The following PCARE variants were observed in gnomAD, a reference collection of about 807,000 sequenced individuals.
PCARE encodes uncharacterized protein C2orf71.
A neutral mutation model predicts 82.2 loss-of-function variants in PCARE; 72 were observed. That is an observed-to-expected ratio of 0.88 (90% CI 0.72 to 1.07). PCARE has a LOEUF of 1.07. PCARE is among the 50% of genes least tolerant of loss of function. The pLI is 0.00. For missense variants in PCARE, 1,768 were observed against 1,592.4 expected (o/e 1.11, Z -1.88); for synonymous variants, 705 against 634.8 (o/e 1.11, Z -1.66).
chr2:29,070,088 C>G (rs2148414452), intron 1 of PCARE, among the ~76,000 whole-genome samples: 1 of 149,070 alleles, frequency 6.7e-6, no homozygotes, highest in South Asian at 2.1e-4. Context: ...TTGAACTTTA[C>G]TATTTTATTT....
At position 29,064,903 on chromosome 2, in the gene PCARE, G is replaced by T. The variant is rs1206230876; in HGVS notation, c.3833C>A (p.Pro1278Gln). The T allele has an allele frequency of 5.6e-6, 9 of 1,611,868 alleles. No homozygotes were observed. Among genetic ancestry groups the T allele is most frequent in the South Asian group, 4.4e-5 (4 of 90,942 alleles). The change falls in exon 2 of 2, where the codon CCA becomes CAA. Residue 1278 changes from proline to glutamine, a missense_variant. Physicochemically the swap from Pro to Gln is moderately conservative, Grantham distance 76. Coordinates refer to ENST00000331664, the MANE Select transcript of PCARE (RefSeq NM_001029883.3). ...RTGHIQDKSQ[P>Q]EAQPQQEEVS The stretch of plus-strand genomic sequence containing the variant: ...CTCCTCTTGCTGGGGCTGCGCCTCT[G>T]GCTGGGATTTGTCCTGGATGTGGCC...
Position 29,072,771 on chromosome 2 carries a change from C to T in PCARE, c.1491G>A (p.Met497Ile), listed in dbSNP as rs570954174. 1.9e-5 allele frequency: 30 copies of T among 1,614,108 alleles called. No individual in the cohort carries two copies. In the East Asian group the frequency reaches 3.6e-4, roughly 19 times the overall value. Residue 497 changes from methionine to isoleucine, a missense_variant, in exon 1 of 2, where the codon ATG becomes ATA. Coordinates refer to ENST00000331664, the MANE Select transcript of PCARE (RefSeq NM_001029883.3). ...SSPEEEEEDK[M>I]SSMSLCAWQE... Reference sequence around the variant, plus strand: ...GCCAGGCACACAGACTCATGCTGCTCATTTTGTCTTCCTCCTCCTCCTCTG... The same window carrying T: ...GCCAGGCACACAGACTCATGCTGCTTATTTTGTCTTCCTCCTCCTCCTCTG...
Position 29,071,923 on chromosome 2 carries a change from T to G in PCARE, c.2339A>C (p.Lys780Thr). ...GCCTGATGCTGGAGAAATTTGGGGC[T>G]TCGGATACAAAGGGGCAAGCCCTGT... ...KYTGLAPLYP[K>T]PQISPASGRE... is the part of the protein sequence containing the mutation. The change falls in exon 1 of 2, where the codon AAG (lysine) becomes ACG (threonine). Residue 780 changes from lysine to threonine, a missense_variant. Physicochemically the swap from Lys to Thr is moderately conservative, Grantham distance 78. Coordinates refer to ENST00000331664, the MANE Select transcript of PCARE (RefSeq NM_001029883.3). 1 of 1,614,174 alleles carries G rather than the reference T, an allele frequency of 6.2e-7. No individual in the cohort carries two copies. The highest frequency in any genetic ancestry group is 8.5e-7 in the Non-Finnish European group (1 of 1,180,008).
chr2:29,072,765 G>A lies in PCARE; in HGVS notation c.1497C>T (p.Ser499=). The A allele has an allele frequency of 6.2e-7, 1 of 1,614,118 alleles. No individual in the cohort carries two copies. Among genetic ancestry groups the A allele is most frequent in the Non-Finnish European group, 8.5e-7 (1 of 1,180,020 alleles). Residue 499 remains serine, a synonymous_variant, in exon 1 of 2, where the codon AGC becomes AGT. Transcript: ENST00000331664. ...TTTCCTGCCAGGCACACAGACTCAT[G>A]CTGCTCATTTTGTCTTCCTCCTCCT... is the stretch of plus-strand genomic sequence containing the variant. ...PEEEEEDKMS[S]MSLCAWQEKT... is the part of the protein sequence containing the mutation.
At position 29,072,303 on chromosome 2, in the gene PCARE, G is replaced by A. The variant is rs374947371; in HGVS notation, c.1959C>T (p.Gly653=). ...TGTTGCTTGGACTGACCCTGCAGGT[G>A]CCATTGGGCCACACGGCGGCTGCTC... is the stretch of plus-strand genomic sequence containing the variant. ...QPRAAAVWPN[G]TCRVSPSNTT... Residue 653 remains glycine, a synonymous_variant, in exon 1 of 2, where the codon GGC becomes GGT. Coordinates refer to ENST00000331664, the MANE Select transcript of PCARE (RefSeq NM_001029883.3). 2.2e-5 allele frequency: 36 copies of A among 1,614,080 alleles called. No homozygotes were observed. The highest frequency in any genetic ancestry group is 3.1e-5 in the Non-Finnish European group (36 of 1,180,052).
chr2:29,071,987 G>GGC lies in PCARE; in HGVS notation c.2273_2274dup (p.Leu759AlafsTer39). ...CTGGGGGGCATGATGCAATTCCTGA[G>GGC]GCAGGGACTTGCCCCAGCGTCCTTA... On this transcript the variant is annotated frameshift_variant, in exon 1 of 2. Transcript: ENST00000331664. LOFTEE classifies it high-confidence loss of function. 6.2e-7 allele frequency: 1 copy of GGC among 1,613,888 alleles called. No individual in the cohort carries two copies. Among genetic ancestry groups the GGC allele is most frequent in the Non-Finnish European group, 8.5e-7 (1 of 1,179,796 alleles).
chr2:29,072,018 C>T lies in PCARE; in HGVS notation c.2244G>A (p.Gly748=), dbSNP rs1176528361. 2.5e-6 allele frequency: 4 copies of T among 1,613,968 alleles called. No individual in the cohort carries two copies. Among genetic ancestry groups the T allele is most frequent in the South Asian group, 1.1e-5 (1 of 91,078 alleles). The change falls in exon 1 of 2, where the codon GGG becomes GGA. Residue 748 remains glycine, a synonymous_variant. Transcript: ENST00000331664. ...FSPTESLRML[G]DSKDAGASPC... ...GACTTGCCCCAGCGTCCTTAGAGTC[C>T]CCCAGCATCCTCAGACTCTCCGTGG...
In PCARE at chr2:29,065,042, CCTT is replaced by C. The variant is rs1340403402; in HGVS notation, c.3691_3693del (p.Lys1231del). On this transcript the variant is annotated inframe_deletion, in exon 2 of 2. Coordinates refer to ENST00000331664, the MANE Select transcript of PCARE (RefSeq NM_001029883.3). ...CAGGGGCTGCTCCCCGGCTCTGTGT[CCTT>C]CTTAGGGCTCTCCTCGCTGCTGCTG... 2.6e-6 allele frequency: 4 copies of C among 1,549,296 alleles called. No homozygotes were observed. Among genetic ancestry groups the C allele is most frequent in the Admixed American group, 3.9e-5 (2 of 50,824 alleles).
Position 29,072,006 on chromosome 2 carries a change from G to T in PCARE, c.2256C>A (p.Asp752Glu), listed in dbSNP as rs375644198. The change falls in exon 1 of 2, where the codon GAC becomes GAA. Residue 752 changes from aspartate (D) to glutamate (E), a missense_variant. Asp to Glu is a conservative substitution (Grantham distance 45, BLOSUM62 2). Coordinates refer to ENST00000331664, the MANE Select transcript of PCARE (RefSeq NM_001029883.3). ...TCCTGAGGCAGGGACTTGCCCCAGC[G>T]TCCTTAGAGTCCCCCAGCATCCTCA... The part of the protein sequence containing the change: ...ESLRMLGDSK[D>E]AGASPCLRNC... 24 of 1,613,938 alleles carry T rather than the reference G, an allele frequency of 1.5e-5. No individual in the cohort carries two copies. Among genetic ancestry groups the T allele is most frequent in the Non-Finnish European group, 1.8e-5 (21 of 1,179,834 alleles).
intron 1 of PCARE, among the ~76,000 whole-genome samples, chr2:29,066,051 G>A (rs1316119404): frequency 6.6e-6 from 1 of 152,206 alleles, no homozygotes; most frequent in Non-Finnish European, 1.5e-5. Context: ...AGGAGGCTGA[G>A]ACAGGAGAAT....
chr2:29,073,487 CTCTTT>C lies in PCARE; in HGVS notation c.770_774del (p.Lys257ArgfsTer52), dbSNP rs777199891. ...AGGAGATTTGGCTGCTCCTGGGGCTCTCTTTTCTTCAAAGGCCAAGCCAGATCCTC... is the reference window on the plus strand; with the variant it reads ...AGGAGATTTGGCTGCTCCTGGGGCTCTCTTCAAAGGCCAAGCCAGATCCTC... On this transcript the variant is annotated frameshift_variant, in exon 1 of 2. Transcript: ENST00000331664. LOFTEE classifies it high-confidence loss of function. The C allele has an allele frequency of 2.5e-6, 4 of 1,614,160 alleles. No homozygotes were observed. In the Admixed American group the frequency reaches 6.7e-5, roughly 27 times the overall value.
Position 29,072,277 on chromosome 2 carries a change from G to C in PCARE, c.1985C>G (p.Thr662Ser). Residue 662 changes from threonine to serine, a missense_variant, in exon 1 of 2, where the codon ACC becomes AGC. Transcript: ENST00000331664. ...GAGGGATGCCTTGAGCCTGCTGGTG[G>C]TGTTGCTTGGACTGACCCTGCAGGT... ...NGTCRVSPSN[T>S]TSRLKASLTK... 1 of 1,614,238 alleles carries C rather than the reference G, an allele frequency of 6.2e-7. No individual in the cohort carries two copies. Among genetic ancestry groups the C allele is most frequent in the Non-Finnish European group, 8.5e-7 (1 of 1,180,048 alleles).
In PCARE at chr2:29,070,753, C is replaced by T. The variant is rs771543528; in HGVS notation, c.3509G>A (p.Trp1170Ter). ...AECWKNSSGP[W>*]LRADSQRRAA... ...TCTCCGCTGCGAGTCTGCTCTCAGCCAAGGCCCTGAGCTGTTCTTCCAGCA... is the reference window on the plus strand; with the variant it reads ...TCTCCGCTGCGAGTCTGCTCTCAGCTAAGGCCCTGAGCTGTTCTTCCAGCA... Residue 1170 changes from tryptophan to a stop codon, truncating the protein, a stop_gained, in exon 1 of 2, where the codon TGG becomes TAG. Coordinates refer to ENST00000331664, the MANE Select transcript of PCARE (RefSeq NM_001029883.3). LOFTEE classifies it high-confidence loss of function. The T allele has an allele frequency of 1.2e-6, 2 of 1,614,152 alleles. No homozygotes were observed. The highest frequency in any genetic ancestry group is 1.7e-6 in the Non-Finnish European group (2 of 1,180,044).
chr2:29,071,409 G>C lies in PCARE; in HGVS notation c.2853C>G (p.Tyr951Ter). ...WSQAEKATSL[Y>*]RQPRKAIAWH... ...AGGCGATGGCCTTCCGGGGCTGCCT[G>C]TAGAGGCTGGTGGCCTTCTCTGCCT... Residue 951 changes from tyrosine to a stop codon, truncating the protein, a stop_gained, in exon 1 of 2, where the codon TAC becomes TAG. Transcript: ENST00000331664. LOFTEE classifies it high-confidence loss of function. The C allele has an allele frequency of 1.2e-6, 2 of 1,613,704 alleles. No homozygotes were observed. Among genetic ancestry groups the C allele is most frequent in the Middle Eastern group, 1.6e-4 (1 of 6,062 alleles).
At position 29,071,864 on chromosome 2, in the gene PCARE, G is replaced by A; in HGVS notation, c.2398C>T (p.Pro800Ser). ...AGAGGGGGAAAGATAGGTGCTAAGG[G>A]CTTCCAGCCTATGCCCATTTTGAGA... is the stretch of plus-strand genomic sequence containing the variant. ...ESLKMGIGWK[P>S]LAPIFPPLPK... Residue 800 changes from proline (P) to serine (S), a missense_variant, in exon 1 of 2, where the codon CCC becomes TCC. Transcript: ENST00000331664. 1 of 1,614,216 alleles carries A rather than the reference G, an allele frequency of 6.2e-7. No homozygotes were observed. Among genetic ancestry groups the A allele is most frequent in the Non-Finnish European group, 8.5e-7 (1 of 1,180,040 alleles).
chr2:29,070,888 G>A lies in PCARE; in HGVS notation c.3374C>T (p.Pro1125Leu). 6.2e-7 allele frequency: 1 copy of A among 1,613,858 alleles called. No homozygotes were observed. The change falls in exon 1 of 2, where the codon CCA (proline) becomes CTA (leucine). Residue 1125 changes from proline to leucine, a missense_variant. Transcript: ENST00000331664. ...AGCTTCAAACAGAGAGGAGGTAGCTGGGCAGAATATGGAATGTGTGTTCCC... is the reference window on the plus strand; with the variant it reads ...AGCTTCAAACAGAGAGGAGGTAGCTAGGCAGAATATGGAATGTGTGTTCCC... ...VSGNTHSIFC[P>L]ATSSLFEAKP... is the part of the protein sequence containing the mutation.
In PCARE at chr2:29,073,514, C is replaced by G; in HGVS notation, c.748G>C (p.Asp250His). The G allele has an allele frequency of 6.2e-7, 1 of 1,614,196 alleles. No individual in the cohort carries two copies. The highest frequency in any genetic ancestry group is 8.5e-7 in the Non-Finnish European group (1 of 1,180,038). The change falls in exon 1 of 2, where the codon GAT (aspartate) becomes CAT (histidine). Residue 250 changes from aspartate to histidine, a missense_variant. Asp to His is a moderately conservative substitution (Grantham distance 81). Transcript: ENST00000331664. ...GEVLLQEVRE[D>H]LAWPLKKREP... is the part of the protein sequence containing the mutation. The stretch of plus-strand genomic sequence containing the variant: ...CTTTTCTTCAAAGGCCAAGCCAGAT[C>G]CTCCCTGACTTCCTGCAGGAGCACT...
Position 29,073,680 on chromosome 2 carries a change from G to A in PCARE, c.582C>T (p.Ser194=). The A allele has an allele frequency of 6.2e-7, 1 of 1,614,228 alleles. No individual in the cohort carries two copies. Residue 194 remains serine, a synonymous_variant, in exon 1 of 2, where the codon AGC becomes AGT. Coordinates refer to ENST00000331664, the MANE Select transcript of PCARE (RefSeq NM_001029883.3). ...ACAGAATTGCTTCATATTTGGAGAG[G>A]CTGGAGTGTAGATAGGTGTAAGCCT... ...HQQAYTYLHS[S]LSKYEAILCI...
rs959461427 is a variant in PCARE, at chr2:29,074,006, T to G, written c.256A>C (p.Arg86=). The G allele has an allele frequency of 5.0e-6, 8 of 1,614,186 alleles. No homozygotes were observed. The highest frequency in any genetic ancestry group is 3.3e-5 in the Admixed American group (2 of 60,014). The change falls in exon 1 of 2, where the codon AGG becomes CGG. Residue 86 remains arginine (R), a synonymous_variant. Coordinates refer to ENST00000331664, the MANE Select transcript of PCARE (RefSeq NM_001029883.3). ...GGGATCAGTCCTTCCATATCTTTCC[T>G]TTTGCCTGAAGCAGGATCTCCCATG... ...QLMGDPASGK[R]KDMEGLIPGT...
Sources: allele counts gnomAD v4.1 joint callset (sites outside exome capture counted in the v4.1 genomes callset), GRCh38; gene constraint gnomAD v4.1.1; transcripts MANE v1.5; gene names NCBI Gene and HGNC (gene_info 2026-07-23, HGNC 2026-07-21).